PFAS: variants seen among roughly 807,000 people sequenced by gnomAD.
PFAS encodes FGAM synthase.
PFAS carries 97 observed loss-of-function variants against 140.6 expected under a neutral mutation model. The observed-to-expected ratio is 0.69, with a 90% CI of 0.59 to 0.82. PFAS has a LOEUF of 0.82. Among genes scored for constraint, PFAS ranks in the 40% least tolerant of loss-of-function variants. The pLI, the probability that PFAS is intolerant of heterozygous loss-of-function variation, is 0.00. For missense variants in PFAS, 1,656 were observed against 1,780.2 expected (o/e 0.93, Z 1.26); for synonymous variants, 679 against 718.8 (o/e 0.94, Z 0.88).
rs537565747 is a variant in PFAS at position 8,257,034 on chromosome 17, C to T, written c.1075+71C>T. The T allele has an allele frequency of 1.3e-5, 19 of 1,519,430 alleles. No individual in the cohort carries two copies. The South Asian group carries it at 1.8e-4, about 14-fold the overall frequency. 94.1% of individuals were successfully genotyped at this position (1,519,430 alleles called of 1,614,324 possible). The stretch of plus-strand genomic sequence containing the variant: ...GTCCTGGCAGGCAGCAAACTTCTAT[C>T]TGTTAGGTCCATAGGGTTATCCTGT... On this transcript the variant is annotated intron_variant, in intron 9 of 27. Transcript: ENST00000314666.
chr17:8,264,493 C>A lies in PFAS; in HGVS notation c.1941C>A (p.Pro647=), dbSNP rs910940213. ...AGGAGTTCTTCCTGCAGAGGAAGCC[C>A]CCCATGCTGCAGCCTCTGGCCTTGC... The part of the protein sequence containing the change: ...PRKEFFLQRK[P]PMLQPLALPP... Residue 647 remains proline, a synonymous_variant, in exon 17 of 28, where the codon CCC becomes CCA. Coordinates refer to ENST00000314666, the MANE Select transcript of PFAS (RefSeq NM_012393.3). 45 of 1,613,670 alleles carry A rather than the reference C, an allele frequency of 2.8e-5. No homozygotes were observed. The highest frequency in any genetic ancestry group is 3.8e-5 in the Non-Finnish European group (45 of 1,179,930).
chr17:8,258,827 A>G (rs930138850), intron 11 of PFAS, among the ~76,000 whole-genome samples: 1 of 152,096 alleles, frequency 6.6e-6, no homozygotes, highest in Non-Finnish European at 1.5e-5. Flanking sequence ...TCTACTAAAA[A>G]AATAAAAAAA....
intron 1 of PFAS, 120 bp from the exon 2 acceptor site, chr17:8,253,739 A>C: frequency 1.8e-6 from 1 of 551,196 alleles, no homozygotes; most frequent in Non-Finnish European, 2.9e-6. Flanking sequence ...GGGTTTCACT[A>C]TGTTGGCCGG....
At chr17:8,261,984 C>G (rs1989612660) in intron 11 of PFAS, among the ~76,000 whole-genome samples, 1 of 151,452 alleles carries the variant, frequency 6.6e-6, no homozygotes, top group African/African-American at 2.4e-5. Flanking sequence ...TCACTGCACT[C>G]CAGCCTGGGC....
chr17:8,261,572 A>G (rs1312121241), intron 11 of PFAS, among the ~76,000 whole-genome samples: 1 of 151,298 alleles, frequency 6.6e-6, no homozygotes, highest in Non-Finnish European at 1.5e-5. Context: ...AGCTATGCGT[A>G]TATCTTCCTT....
Position 8,266,230 on chromosome 17 carries a change from C to T in PFAS, c.2702-4C>T. The T allele has an allele frequency of 6.2e-7, 1 of 1,613,914 alleles. No homozygotes were observed. Among genetic ancestry groups the T allele is most frequent in the Non-Finnish European group, 8.5e-7 (1 of 1,179,902 alleles). The stretch of plus-strand genomic sequence containing the variant: ...GTTGCTGAGCTTTCTTCTCCTTCCT[C>T]CAGACCGCCTCCTCTGCTCAGGCCA... On this transcript the variant is annotated splice_polypyrimidine_tract_variant and splice_region_variant and intron_variant, in intron 21 of 27. Coordinates refer to ENST00000314666, the MANE Select transcript of PFAS (RefSeq NM_012393.3). The surrounding 1 kb of genome is among the most constrained non-coding windows in gnomAD (Gnocchi z 5.0).
chr17:8,255,654 G>A lies in PFAS; in HGVS notation c.537G>A (p.Glu179=), dbSNP rs542996802. The change falls in exon 5 of 28, where the codon GAG becomes GAA. Residue 179 remains glutamate, a synonymous_variant. Transcript: ENST00000314666. ...PLNGPINILG[E]GRLALEKANQ... ...ATGGCCCTATCAATATACTGGGTGA[G>A]GGCCGGCTTGCGCTGGAGAAGGCCA... 1 of 1,583,244 alleles carries A rather than the reference G, an allele frequency of 6.3e-7. No individual in the cohort carries two copies. The highest frequency in any genetic ancestry group is 2.2e-5 in the East Asian group (1 of 44,716).
chr17:8,260,490 A>G (rs750878677), intron 11 of PFAS, among the ~76,000 whole-genome samples: 2 of 152,240 alleles, frequency 1.3e-5, no homozygotes, highest in Non-Finnish European at 2.9e-5. Flanking sequence ...TTATGGCTGA[A>G]TAATATCCCA....
chr17:8,248,696 C>G (rs1034014385), upstream of PFAS, among the ~76,000 whole-genome samples: 1 of 151,812 alleles, frequency 6.6e-6, no homozygotes, highest in Admixed American at 6.6e-5. Context: ...TAGCTGGGAT[C>G]GCAGGCTTGC....
chr17:8,252,397 T>C (rs1175195921), intron 1 of PFAS, among the ~76,000 whole-genome samples: 1 of 152,126 alleles, frequency 6.6e-6, no homozygotes, highest in African/African-American at 2.4e-5. Flanking sequence ...GATCCTTTTT[T>C]GTTTGTTTGT....
At chr17:8,268,231 G>A (rs1455814268) in intron 26 of PFAS, among the ~76,000 whole-genome samples, 1 of 146,296 alleles carries the variant, frequency 6.8e-6, no homozygotes, top group East Asian at 2.1e-4. Context: ...AAATTAGCCA[G>A]GCGTGCTGGC....
intron 11 of PFAS, among the ~76,000 whole-genome samples, chr17:8,260,608 C>T (rs1284716990): frequency 1.3e-5 from 2 of 152,052 alleles, no homozygotes; most frequent in Non-Finnish European, 2.9e-5. Flanking sequence ...CATTTATGTA[C>T]AAGTTTTTTT....
At chr17:8,251,246 A>G (rs1234239559) in intron 1 of PFAS, among the ~76,000 whole-genome samples, 1 of 152,078 alleles carries the variant, frequency 6.6e-6, no homozygotes, top group Non-Finnish European at 1.5e-5. Flanking sequence ...AGATCGTGCC[A>G]CTGTACTCCA....
chr17:8,255,740 G>T, intron 5 of PFAS, 49 bp downstream of exon 5: 1 of 1,604,502 alleles, frequency 6.2e-7, no homozygotes, highest in East Asian at 2.2e-5. Context: ...GCCAGTAGGG[G>T]TGCTGAGATC....
At position 8,255,607 on chromosome 17, in the gene PFAS, G is replaced by C; in HGVS notation, c.490G>C (p.Glu164Gln). Residue 164 changes from glutamate (E) to glutamine (Q), a missense_variant, in exon 5 of 28, where the codon GAG becomes CAG. By Grantham distance (29) the Glu-to-Gln change is conservative (BLOSUM62 2). This residue lies in a region of PFAS where 773 missense variants were observed against 757.3 expected (regional missense o/e 1.02). Coordinates refer to ENST00000314666, the MANE Select transcript of PFAS (RefSeq NM_012393.3). ...FPHPIQSFSP[E>Q]SMPEPLNGPI... ...CCATCCCATCCAGAGTTTCTCCCCT[G>C]AGAGCATGCCGGAACCCCTCAATGG... 6.3e-7 allele frequency: 1 copy of C among 1,583,682 alleles called. No homozygotes were observed. Among genetic ancestry groups the C allele is most frequent in the Non-Finnish European group, 8.6e-7 (1 of 1,167,262 alleles).
At position 8,255,042 on chromosome 17, in the gene PFAS, C is replaced by G. The variant is rs747112744; in HGVS notation, c.294C>G (p.Thr98=). 1 of 1,613,808 alleles carries G rather than the reference C, an allele frequency of 6.2e-7. No homozygotes were observed. Among genetic ancestry groups the G allele is most frequent in the South Asian group, 1.1e-5 (1 of 91,066 alleles). The change falls in exon 4 of 28, where the codon ACC becomes ACG. Residue 98 remains threonine, a synonymous_variant. Transcript: ENST00000314666. ...LEVGPRLNFS[T]PTSTNIVSVC... ...CATTGTTCAGGCTGAACTTCTCCAC[C>G]CCAACATCCACCAACATCGTGTCAG... is the stretch of plus-strand genomic sequence containing the variant.
At chr17:8,260,726 G>A (rs567560803) in intron 11 of PFAS, among the ~76,000 whole-genome samples, 6 of 152,290 alleles carry the variant, frequency 3.9e-5, no homozygotes, top group South Asian at 2.1e-4. Flanking sequence ...CCGGGTTCAC[G>A]CCACTCTCCT....
At chr17:8,268,337 T>C (rs923433051) in intron 26 of PFAS, among the ~76,000 whole-genome samples, 196 bp from the exon 27 acceptor site, 1 of 136,522 alleles carries the variant, frequency 7.3e-6, no homozygotes, top group East Asian at 2.1e-4. Context: ...CATGCCACTG[T>C]ACTCCAGCCT....
At chr17:8,247,718 A>G (rs1055079321), upstream of PFAS, 7 of 417,400 alleles carry the variant, frequency 1.7e-5, no homozygotes, top group Non-Finnish European at 3.1e-5. Context: ...CCAGGAACCC[A>G]CAGCCCCATA....
Sources: allele counts gnomAD v4.1 joint callset (sites outside exome capture counted in the v4.1 genomes callset), GRCh38; gene constraint gnomAD v4.1.1; regional missense constraint gnomAD v4.1.1; non-coding constraint Gnocchi (gnomAD v3.1); transcripts MANE v1.5; gene names NCBI Gene and HGNC (gene_info 2026-07-23, HGNC 2026-07-21).